Variants in GSK3B observed in about 807,000 individuals in gnomAD.
GSK3B encodes glycogen synthase kinase 3 beta, also known as glycogen synthase kinase-3 beta.
In GSK3B, 15 loss-of-function variants were observed where a neutral mutation model predicts 56.4. That is an observed-to-expected ratio of 0.27 (90% CI 0.18 to 0.41). The LOEUF (loss-of-function observed/expected upper bound fraction) is 0.41, where lower values mean the gene tolerates loss of function less well. GSK3B is among the 10% of genes least tolerant of loss of function. The pLI, the probability that GSK3B is intolerant of heterozygous loss-of-function variation, is 1.00. For missense variants in GSK3B, 300 were observed against 513.4 expected, an observed-to-expected ratio of 0.58 and a Z score of 4.02; for synonymous variants, 181 against 188.9, an observed-to-expected ratio of 0.96 and a Z score of 0.34.
rs796683170 is a variant in GSK3B, at chr3:119,881,698, TGGG to T, written c.814-5193_814-5191del. On this transcript the variant is annotated intron_variant, in intron 7 of 10. Transcript: ENST00000264235. ...ATTCGGCTAACTTTCATAGAGGTTATGGGGGATAATTCAAGAGTTACTGATATG... is the reference window on the plus strand; with the variant it reads ...ATTCGGCTAACTTTCATAGAGGTTATGGATAATTCAAGAGTTACTGATATG... Among the ~76,000 whole-genome samples, 3 of 152,204 alleles carry T rather than the reference TGGG, an allele frequency of 2.0e-5. No individual in the cohort carries two copies. The South Asian group carries it at 6.2e-4, about 31-fold the overall frequency.
At chr3:119,918,151 T>C (rs1229040753) in intron 4 of GSK3B, among the ~76,000 whole-genome samples, 1 of 152,094 alleles carries the variant, frequency 6.6e-6, no homozygotes, top group African/African-American at 2.4e-5. Flanking sequence ...TTTTATTAAA[T>C]AAAGGTGTAA....
intron 2 of GSK3B, among the ~76,000 whole-genome samples, chr3:119,967,527 A>G (rs751111920): frequency 3.3e-5 from 5 of 152,222 alleles, no homozygotes; most frequent in Non-Finnish European, 5.9e-5. Flanking sequence ...AGTAATCAAG[A>G]CAGTGTGGTA....
chr3:119,935,824 T>A (rs2056988338), intron 3 of GSK3B, among the ~76,000 whole-genome samples: 1 of 152,220 alleles, frequency 6.6e-6, no homozygotes, highest in Admixed American at 6.5e-5. Context: ...CTGATCGATA[T>A]CCCTTATGAA....
chr3:119,903,639 A>T (rs1175213099), intron 7 of GSK3B, among the ~76,000 whole-genome samples: 7 of 152,236 alleles, frequency 4.6e-5, no homozygotes, highest in Middle Eastern at 3.2e-3. Flanking sequence ...ATAAGGTATT[A>T]CGGCAAGCAT....
At chr3:119,882,216 CAATA>C (rs945477438) in intron 7 of GSK3B, among the ~76,000 whole-genome samples, 57 of 151,514 alleles carry the variant, frequency 3.8e-4, no homozygotes, top group African/African-American at 9.9e-4. Context: ...GTGAAATACA[CAATA>C]AAACAGTTGA....
At chr3:119,975,722 C>A (rs1237743304) in intron 2 of GSK3B, among the ~76,000 whole-genome samples, 1 of 152,076 alleles carries the variant, frequency 6.6e-6, no homozygotes, top group South Asian at 2.1e-4. Flanking sequence ...ACAGACTGTA[C>A]AACACAAAGA....
intron 2 of GSK3B, among the ~76,000 whole-genome samples, chr3:119,980,702 T>C (rs1052955669): frequency 2.0e-5 from 3 of 152,214 alleles, no homozygotes; most frequent in Non-Finnish European, 1.5e-5. Context: ...TTAATGAAGA[T>C]AGCTGTATCT....
chr3:119,887,848 G>A (rs2056456348), intron 7 of GSK3B, among the ~76,000 whole-genome samples: 1 of 151,960 alleles, frequency 6.6e-6, no homozygotes, highest in South Asian at 2.1e-4. Context: ...AAATCTTCAA[G>A]AATGCCAGAA....
chr3:120,061,291 C>T (rs1400301792), intron 1 of GSK3B, among the ~76,000 whole-genome samples: 4 of 152,050 alleles, frequency 2.6e-5, no homozygotes, highest in South Asian at 2.1e-4. Flanking sequence ...TAGAAAAATT[C>T]GAAAATAAAG....
chr3:119,887,310 C>A (rs913540808), intron 7 of GSK3B, among the ~76,000 whole-genome samples: 2 of 151,832 alleles, frequency 1.3e-5, no homozygotes, highest in Non-Finnish European at 2.9e-5. Flanking sequence ...CAAAATTCAA[C>A]ATTTTTAAAG....
intron 1 of GSK3B, among the ~76,000 whole-genome samples, chr3:120,040,451 C>CAAGAAATCTCT (rs2058056741): frequency 6.6e-6 from 1 of 152,078 alleles, no homozygotes. Context: ...AAAGGATAGG[C>CAAGAAATCTCT]AAGAAATCTC....
intron 1 of GSK3B, chr3:120,029,000 A>C: frequency 4.9e-6 from 3 of 611,554 alleles, no homozygotes; most frequent in South Asian, 1.9e-5. Context: ...ACGGCCTTTT[A>C]TCCTTCTTTG....
At chr3:120,086,444 T>C (rs1447073448) in intron 1 of GSK3B, among the ~76,000 whole-genome samples, 1 of 152,196 alleles carries the variant, frequency 6.6e-6, no homozygotes, top group African/African-American at 2.4e-5. Context: ...TTTATGTAGT[T>C]TATGCAGAAG....
At chr3:119,944,772 T>C (rs2107489386) in intron 3 of GSK3B, among the ~76,000 whole-genome samples, 1 of 152,270 alleles carries the variant, frequency 6.6e-6, no homozygotes, top group Non-Finnish European at 1.5e-5. Context: ...ATTTATTATT[T>C]CCTCCTCCAA....
chr3:119,858,469 TG>T (rs1220540399), intron 9 of GSK3B, among the ~76,000 whole-genome samples: 1 of 152,224 alleles, frequency 6.6e-6, no homozygotes, highest in Non-Finnish European at 1.5e-5. Context: ...AACCAACCTC[TG>T]CTAGCTACAA....
At chr3:120,071,498 G>T (rs183588394) in intron 1 of GSK3B, among the ~76,000 whole-genome samples, 8 of 152,300 alleles carry the variant, frequency 5.3e-5, no homozygotes, top group African/African-American at 1.7e-4. Context: ...TCTGCCGCCT[G>T]TAAGATCAGC....
At chr3:119,943,474 T>C (rs1165612893) in intron 3 of GSK3B, among the ~76,000 whole-genome samples, 1 of 152,182 alleles carries the variant, frequency 6.6e-6, no homozygotes, top group African/African-American at 2.4e-5. Context: ...TATATAAACA[T>C]GTACGTATGG....
At chr3:119,926,083 T>C (rs1005526326) in intron 3 of GSK3B, among the ~76,000 whole-genome samples, 6 of 152,140 alleles carry the variant, frequency 3.9e-5, no homozygotes, top group South Asian at 4.1e-4. Flanking sequence ...CTCTTAAAAA[T>C]TGGAAGATCC....
intron 10 of GSK3B, among the ~76,000 whole-genome samples, chr3:119,828,215 A>C (rs2873950): frequency 0.25 from 37,451 of 152,070 alleles, 5,130 homozygotes; most frequent in East Asian, 0.5. Flanking sequence ...CAACTCTACA[A>C]CTAACCATTA....
Sources: allele counts gnomAD v4.1 joint callset (sites outside exome capture counted in the v4.1 genomes callset), GRCh38; gene constraint gnomAD v4.1.1; transcripts MANE v1.5; gene names NCBI Gene and HGNC (gene_info 2026-07-23, HGNC 2026-07-21).